The following GALNT13 variants were observed in gnomAD, a reference collection of about 807,000 sequenced individuals.
GALNT13 encodes the protein UDP-GalNAc:polypeptide N-acetylgalactosaminyltransferase 13.
A neutral mutation model predicts 64.2 loss-of-function variants in GALNT13; 28 were observed. The observed-to-expected ratio is 0.44, with a 90% CI of 0.32 to 0.60. The LOEUF is 0.60. Ranked by LOEUF, GALNT13 falls within the 20% of genes least tolerant of loss-of-function variation. The pLI is 0.05. For synonymous variants in GALNT13, 214 were observed against 224.6 expected (o/e 0.95, Z 0.42); for missense variants, 577 against 669.8 (o/e 0.86, Z 1.53).
chr2:153,207,130 C>T, the GALNT13 span, among the ~76,000 whole-genome samples: 1 of 152,060 alleles, frequency 6.6e-6, no homozygotes, highest in Non-Finnish European at 1.5e-5. Context: ...ATTTGAATCA[C>T]AATCCAAATA....
At chr2:154,329,561 G>A (rs914587253) in intron 9 of GALNT13, among the ~76,000 whole-genome samples, 1 of 152,076 alleles carries the variant, frequency 6.6e-6, no homozygotes, top group Non-Finnish European at 1.5e-5. Flanking sequence ...CAGAAGACAT[G>A]GTGAATTTCT....
chr2:153,346,216 C>T, the GALNT13 span, among the ~76,000 whole-genome samples: 1 of 152,128 alleles, frequency 6.6e-6, no homozygotes, highest in Non-Finnish European at 1.5e-5. Flanking sequence ...AATCATAATG[C>T]CCAGCCTCCT....
chr2:153,979,664 T>C (rs1694323634), intron 3 of GALNT13, among the ~76,000 whole-genome samples: 1 of 152,220 alleles, frequency 6.6e-6, no homozygotes. Flanking sequence ...GTAGAATCTT[T>C]GTATATAACA....
intron 11 of GALNT13, among the ~76,000 whole-genome samples, chr2:154,423,069 C>G (rs1480357723): frequency 3.3e-5 from 4 of 121,692 alleles, no homozygotes; most frequent in East Asian, 2.9e-4. Flanking sequence ...CCCCTCCCCC[C>G]ACCCCACAAC....
At chr2:153,099,593 A>G in the GALNT13 span, among the ~76,000 whole-genome samples, 3 of 152,228 alleles carry the variant, frequency 2.0e-5, 1 homozygote, top group Non-Finnish European at 4.4e-5. Flanking sequence ...AATTATTTAA[A>G]TGGCTAAACA....
chr2:153,877,991 G>T (rs1282305612), intron 1 of GALNT13, among the ~76,000 whole-genome samples: 2 of 152,246 alleles, frequency 1.3e-5, no homozygotes, highest in African/African-American at 4.8e-5. Context: ...ATATGTGTGA[G>T]CATCAAGGAT....
At chr2:154,194,705 T>C (rs541262735) in intron 4 of GALNT13, among the ~76,000 whole-genome samples, 123 of 152,228 alleles carry the variant, frequency 8.1e-4, no homozygotes, top group African/African-American at 2.9e-3. Flanking sequence ...GGGCTTCATA[T>C]GATTTTATCT....
At chr2:154,433,912 T>G (rs979400588) in intron 11 of GALNT13, among the ~76,000 whole-genome samples, 1 of 152,212 alleles carries the variant, frequency 6.6e-6, no homozygotes, top group Non-Finnish European at 1.5e-5. Context: ...TTCCTTAGAA[T>G]GTAACCATAT....
chr2:154,097,966 C>T (rs1702154447), intron 3 of GALNT13, among the ~76,000 whole-genome samples: 1 of 151,232 alleles, frequency 6.6e-6, no homozygotes, highest in Admixed American at 6.6e-5. Flanking sequence ...ATCTGGTGCT[C>T]AGAGGGAGTC....
At chr2:154,136,821 G>A (rs925043038) in intron 3 of GALNT13, among the ~76,000 whole-genome samples, 2 of 151,928 alleles carry the variant, frequency 1.3e-5, no homozygotes, top group Middle Eastern at 3.4e-3. Context: ...TGAAGTCTAC[G>A]CCAGCTTTGG....
chr2:153,722,137 C>T, the GALNT13 span, among the ~76,000 whole-genome samples: 1 of 146,764 alleles, frequency 6.8e-6, no homozygotes, highest in Non-Finnish European at 1.5e-5. Context: ...CAAACTAGAA[C>T]TCAGGATTAA....
chr2:153,320,394 C>G, the GALNT13 span, among the ~76,000 whole-genome samples: 1 of 152,170 alleles, frequency 6.6e-6, no homozygotes, highest in East Asian at 1.9e-4. Flanking sequence ...ACCTAGTCAA[C>G]CCATGCATAT....
chr2:154,374,553 CTAAT>C (rs1281142962), intron 9 of GALNT13, among the ~76,000 whole-genome samples: 1 of 152,166 alleles, frequency 6.6e-6, no homozygotes, highest in African/African-American at 2.4e-5. Flanking sequence ...CATTACCTAT[CTAAT>C]TATGATGCAA....
the GALNT13 span, among the ~76,000 whole-genome samples, chr2:153,390,133 A>T: frequency 9.9e-5 from 15 of 152,264 alleles, no homozygotes; most frequent in Middle Eastern, 3.4e-3. Flanking sequence ...ATGCAGCCAT[A>T]AAATAGGATG....
the GALNT13 span, among the ~76,000 whole-genome samples, chr2:153,408,549 G>T: frequency 2.6e-5 from 4 of 152,258 alleles, no homozygotes; most frequent in East Asian, 5.8e-4. Context: ...TGGCTCACTG[G>T]CTTGCTCCCA....
chr2:153,184,321 T>G, the GALNT13 span, among the ~76,000 whole-genome samples: 11 of 152,240 alleles, frequency 7.2e-5, no homozygotes, highest in Non-Finnish European at 1.5e-4. Flanking sequence ...ACATCAATTT[T>G]GTATCCAGAG....
the GALNT13 span, among the ~76,000 whole-genome samples, chr2:153,098,421 T>A: frequency 6.6e-6 from 1 of 152,224 alleles, no homozygotes; most frequent in Non-Finnish European, 1.5e-5. Context: ...ATAAAATTAA[T>A]CACTATCATG....
the GALNT13 span, among the ~76,000 whole-genome samples, chr2:153,188,300 T>C: frequency 6.6e-6 from 1 of 152,154 alleles, no homozygotes; most frequent in Non-Finnish European, 1.5e-5. Flanking sequence ...TCTTTTAATA[T>C]AGAAATGATG....
the GALNT13 span, among the ~76,000 whole-genome samples, chr2:153,458,365 C>T: frequency 5.9e-5 from 9 of 152,220 alleles, no homozygotes; most frequent in Admixed American, 2.0e-4. Context: ...TCTTTTCATT[C>T]GAGCTTCAAA....
Sources: gnomAD v4.1 joint callset for allele counts (sites outside exome capture counted in the v4.1 genomes callset) on GRCh38, gnomAD v4.1.1 for gene constraint, MANE v1.5 for transcripts, NCBI Gene and HGNC (gene_info 2026-07-23, HGNC 2026-07-21) for gene names.